TMEM135: variants seen among roughly 807,000 people sequenced by gnomAD.
The protein encoded by TMEM135 is transmembrane protein 135, also known as peroxisomal membrane protein 52.
A neutral mutation model predicts 60.3 loss-of-function variants in TMEM135; 30 were observed. The ratio of observed to expected loss-of-function variants is 0.50; its 90% CI spans 0.37 to 0.68. The LOEUF is 0.68. TMEM135 is among the 30% of genes least tolerant of loss of function. The probability of loss-of-function intolerance (pLI) is 0.00; values close to 1 mark genes in which losing one functional copy is unlikely to be tolerated. For missense variants in TMEM135, 468 were observed against 548.8 expected, an observed-to-expected ratio of 0.85 and a Z score of 1.47; for synonymous variants, 190 against 186.7, an observed-to-expected ratio of 1.02 and a Z score of -0.14.
At chr11:87,193,057 G>T (rs1426330427) in intron 5 of TMEM135, among the ~76,000 whole-genome samples, 3 of 152,162 alleles carry the variant, frequency 2.0e-5, no homozygotes, top group Admixed American at 2.0e-4. Flanking sequence ...AAAGGTTGCA[G>T]TGAGCTGAGA....
chr11:87,123,388 A>G (rs977201023), intron 4 of TMEM135, among the ~76,000 whole-genome samples: 2 of 152,094 alleles, frequency 1.3e-5, no homozygotes, highest in Non-Finnish European at 2.9e-5. Flanking sequence ...CTCTGTCATC[A>G]CATGGCCTTC....
At chr11:87,310,396 T>C (rs562925657) in intron 10 of TMEM135, among the ~76,000 whole-genome samples, 4 of 152,132 alleles carry the variant, frequency 2.6e-5, no homozygotes, top group Non-Finnish European at 5.9e-5. Context: ...GAATATAATC[T>C]CTAAATGGTA....
chr11:87,266,666 T>C (rs763569287), intron 6 of TMEM135, among the ~76,000 whole-genome samples: 16 of 152,158 alleles, frequency 1.1e-4, no homozygotes, highest in Admixed American at 3.3e-4. Context: ...CTATCAGACA[T>C]GAATGAACCT....
At chr11:87,058,988 A>C (rs984353937) in intron 1 of TMEM135, among the ~76,000 whole-genome samples, 31 of 151,360 alleles carry the variant, frequency 2.0e-4, no homozygotes, top group Admixed American at 2.0e-3. Flanking sequence ...CCCAGGCTGG[A>C]GTACAGTGGT....
intron 5 of TMEM135, among the ~76,000 whole-genome samples, chr11:87,182,738 G>A (rs1468392654): frequency 4.0e-5 from 6 of 151,844 alleles, no homozygotes; most frequent in African/African-American, 1.2e-4. Context: ...CTAGACACAG[G>A]TGAATGTAAT....
chr11:87,102,716 A>ATATG (rs1857488185), intron 4 of TMEM135, among the ~76,000 whole-genome samples: 3 of 78,722 alleles, frequency 3.8e-5, no homozygotes, highest in African/African-American at 7.8e-5. Context: ...ATATATATGT[A>ATATG]TATATATATA....
chr11:87,146,503 A>G (rs1489569736), intron 4 of TMEM135, among the ~76,000 whole-genome samples: 1 of 152,168 alleles, frequency 6.6e-6, no homozygotes, highest in African/African-American at 2.4e-5. Context: ...TAGCCTCCCA[A>G]GTAGCTGGGA....
intron 5 of TMEM135, among the ~76,000 whole-genome samples, chr11:87,170,166 A>G (rs188682680): frequency 6.6e-6 from 1 of 152,186 alleles, no homozygotes; most frequent in African/African-American, 2.4e-5. Flanking sequence ...TAAACTGGTT[A>G]TTCTAGTTAG....
At chr11:87,100,927 A>C (rs1857443647) in intron 4 of TMEM135, among the ~76,000 whole-genome samples, 1 of 152,226 alleles carries the variant, frequency 6.6e-6, no homozygotes, top group African/African-American at 2.4e-5. Flanking sequence ...TGCAATTATT[A>C]GACCATTAGT....
chr11:87,314,580 A>G (rs374281228), intron 12 of TMEM135, 33 bp downstream of exon 12: 559 of 1,552,366 alleles, frequency 3.6e-4, no homozygotes, highest in Non-Finnish European at 4.6e-4. Flanking sequence ...AATAGTTCCA[A>G]AGAACATAAA....
intron 4 of TMEM135, among the ~76,000 whole-genome samples, chr11:87,107,385 G>A (rs1031350267): frequency 4.5e-4 from 69 of 151,776 alleles, no homozygotes; most frequent in African/African-American, 1.6e-3. Flanking sequence ...ATTTACATTA[G>A]GTGTTTCTCC....
intron 4 of TMEM135, among the ~76,000 whole-genome samples, chr11:87,103,986 T>A (rs899931707): frequency 5.9e-5 from 9 of 152,174 alleles, no homozygotes; most frequent in African/African-American, 2.2e-4. Flanking sequence ...GCTTTTGGGT[T>A]CATACCCCCA....
intron 5 of TMEM135, among the ~76,000 whole-genome samples, chr11:87,180,683 A>G (rs774569486): frequency 1.3e-5 from 2 of 152,200 alleles, no homozygotes; most frequent in Non-Finnish European, 2.9e-5. Context: ...TAGAGTAAAT[A>G]TCACTAAAAA....
chr11:87,311,138 C>A (rs1038028835), intron 10 of TMEM135, among the ~76,000 whole-genome samples: 2 of 151,216 alleles, frequency 1.3e-5, no homozygotes, highest in Non-Finnish European at 2.9e-5. Flanking sequence ...CACATATACA[C>A]ACTTTTTGTT....
intron 4 of TMEM135, among the ~76,000 whole-genome samples, chr11:87,114,994 T>G (rs956105598): frequency 1.3e-5 from 2 of 152,212 alleles, no homozygotes; most frequent in Non-Finnish European, 2.9e-5. Flanking sequence ...CCATTATTGA[T>G]CATCTTTAAA....
chr11:87,126,197 A>G (rs1937721865), intron 4 of TMEM135, among the ~76,000 whole-genome samples: 1 of 152,172 alleles, frequency 6.6e-6, no homozygotes, highest in Non-Finnish European at 1.5e-5. Flanking sequence ...TAATTCACAA[A>G]ATCAACATAA....
At chr11:87,040,798 A>G (rs1443755929) in intron 1 of TMEM135, among the ~76,000 whole-genome samples, 1 of 152,160 alleles carries the variant, frequency 6.6e-6, no homozygotes, top group Non-Finnish European at 1.5e-5. Context: ...GATGTATCAC[A>G]TATTTTCTAG....
chr11:87,131,498 A>G (rs1430542404), intron 4 of TMEM135, among the ~76,000 whole-genome samples: 1 of 152,184 alleles, frequency 6.6e-6, no homozygotes, highest in Non-Finnish European at 1.5e-5. Context: ...CCTGGCCCAC[A>G]GTTAACATTC....
At chr11:87,046,264 C>T (rs1395860774) in intron 1 of TMEM135, among the ~76,000 whole-genome samples, 1 of 152,036 alleles carries the variant, frequency 6.6e-6, no homozygotes, top group Non-Finnish European at 1.5e-5. Context: ...AATTAGCCAG[C>T]GTGGTGGTGG....
Sources: gnomAD v4.1 joint callset for allele counts (sites outside exome capture counted in the v4.1 genomes callset) on GRCh38, gnomAD v4.1.1 for gene constraint, MANE v1.5 for transcripts, NCBI Gene and HGNC (gene_info 2026-07-23, HGNC 2026-07-21) for gene names.